UBE2E1: variants seen among roughly 807,000 people sequenced by gnomAD.
UBE2E1 encodes ubiquitin conjugating enzyme E2 E1.
In UBE2E1, 6 loss-of-function variants were observed where a neutral mutation model predicts 21.4. The observed-to-expected ratio is 0.28, with a 90% CI of 0.15 to 0.55. The LOEUF (loss-of-function observed/expected upper bound fraction) is 0.55. Ranked by LOEUF, UBE2E1 falls within the 20% of genes least tolerant of loss-of-function variation. The probability of loss-of-function intolerance (pLI) is 0.93; values close to 1 mark genes in which losing one functional copy is unlikely to be tolerated. For missense variants in UBE2E1, 142 were observed against 236.5 expected (o/e 0.60, Z 2.62); for synonymous variants, 87 against 82.7 (o/e 1.05, Z -0.28).
At chr3:23,822,873 G>A (rs1436121941) in intron 3 of UBE2E1, among the ~76,000 whole-genome samples, 4 of 136,134 alleles carry the variant, frequency 2.9e-5, no homozygotes, top group African/African-American at 1.1e-4. Flanking sequence ...CAGAGACGGA[G>A]CCTTGCTCTG....
chr3:23,883,432 C>T (rs1001384583), intron 3 of UBE2E1, among the ~76,000 whole-genome samples: 1 of 152,074 alleles, frequency 6.6e-6, no homozygotes, highest in African/African-American at 2.4e-5. Flanking sequence ...TGTCCTCCAC[C>T]CCTGGGGATG....
chr3:23,858,804 C>G (rs1050504895), intron 3 of UBE2E1, among the ~76,000 whole-genome samples: 1 of 152,106 alleles, frequency 6.6e-6, no homozygotes, highest in African/African-American at 2.4e-5. Flanking sequence ...CACTTTCTCA[C>G]AAGTAAAAGA....
At chr3:23,835,598 A>ACTTTTAAATGTATG (rs1410573987) in intron 3 of UBE2E1, among the ~76,000 whole-genome samples, 7 of 152,194 alleles carry the variant, frequency 4.6e-5, no homozygotes, top group Non-Finnish European at 8.8e-5. Context: ...AGTAATGTAT[A>ACTTTTAAATGTATG]CTTTTAAAGT....
chr3:23,869,876 G>A (rs1406822120), intron 3 of UBE2E1, among the ~76,000 whole-genome samples: 1 of 152,052 alleles, frequency 6.6e-6, no homozygotes, highest in Non-Finnish European at 1.5e-5. Context: ...GGCTGCTCTT[G>A]GGGGGAGTGT....
intron 3 of UBE2E1, among the ~76,000 whole-genome samples, chr3:23,829,487 A>G (rs930425965): frequency 2.0e-5 from 3 of 151,720 alleles, no homozygotes; most frequent in Non-Finnish European, 4.4e-5. Context: ...TTTTTTGGAG[A>G]GGTGGGGTCT....
intron 3 of UBE2E1, among the ~76,000 whole-genome samples, chr3:23,880,494 G>A (rs1349052637): frequency 4.6e-5 from 7 of 152,234 alleles, no homozygotes; most frequent in Non-Finnish European, 1.0e-4. Context: ...TTGAGCCCAG[G>A]AAGTCAAGGC....
At chr3:23,832,042 T>C (rs899188533) in intron 3 of UBE2E1, among the ~76,000 whole-genome samples, 1 of 152,212 alleles carries the variant, frequency 6.6e-6, no homozygotes, top group Non-Finnish European at 1.5e-5. Flanking sequence ...CTTAGTCATT[T>C]ATTTAGCTTT....
intron 3 of UBE2E1, among the ~76,000 whole-genome samples, chr3:23,845,589 C>CTCTCTCTCTCTCTCTG (rs1553637998): frequency 8.2e-6 from 1 of 121,358 alleles, no homozygotes; most frequent in South Asian, 3.2e-4. Flanking sequence ...CTCTCTCTCT[C>CTCTCTCTCTCTCTCTG]TGTGTGTGTG....
chr3:23,806,639 G>A lies in UBE2E1; in HGVS notation c.-34+551G>A, dbSNP rs988511683. 6.6e-6 allele frequency among the ~76,000 whole-genome samples: 1 copy of A among 151,534 alleles called. No individual in the cohort carries two copies. Among genetic ancestry groups the A allele is most frequent in the Non-Finnish European group, 1.5e-5 (1 of 67,712 alleles). ...GCAGGCAGGCCGGGAGGGGCGTCGG[G>A]GCGCGGCGCGGGGGGGCCTCGGGCC... On this transcript the variant is annotated intron_variant, in intron 1 of 5. Transcript: ENST00000306627. This position sits in a 1 kb window ranked among gnomAD's most constrained non-coding sequence, Gnocchi z 6.5.
At chr3:23,811,163 C>G in intron 2 of UBE2E1, 1 of 453,204 alleles carries the variant, frequency 2.2e-6, no homozygotes, top group South Asian at 4.1e-5. Context: ...AAGTGAGAAA[C>G]TTTAAAATTA....
chr3:23,826,432 G>A (rs1363919389), intron 3 of UBE2E1, among the ~76,000 whole-genome samples: 1 of 152,216 alleles, frequency 6.6e-6, no homozygotes, highest in South Asian at 2.1e-4. Context: ...GACAGCCTGA[G>A]TCTGGCAGTA....
chr3:23,807,353 C>G lies in UBE2E1; in HGVS notation c.84C>G (p.Thr28=). 1.2e-6 allele frequency: 2 copies of G among 1,613,890 alleles called. No individual in the cohort carries two copies. The highest frequency in any genetic ancestry group is 2.2e-5 in the East Asian group (1 of 44,854). The part of the protein sequence containing the change: ...SNQQTEKETN[T]PKKKESKVSM... ...AGCAAACCGAGAAAGAAACAAACACCCCCAAGAAGAAGGAGAGTAAAGTCA... is the reference window on the plus strand; with the variant it reads ...AGCAAACCGAGAAAGAAACAAACACGCCCAAGAAGAAGGAGAGTAAAGTCA... Residue 28 remains threonine, a synonymous_variant, in exon 2 of 6, where the codon ACC becomes ACG. Transcript: ENST00000306627.
In UBE2E1 at chr3:23,842,949, A is replaced by G. The variant is rs1421334340; in HGVS notation, c.203+31439A>G. ...GTAGCATGATTATGGTAGTTATGGT[A>G]TAACTTTATACCATAAAATATCCCA... On this transcript the variant is annotated intron_variant, in intron 3 of 5. Transcript: ENST00000306627. This position sits in a 1 kb window ranked among gnomAD's most constrained non-coding sequence, Gnocchi z 4.6. 6.6e-6 allele frequency among the ~76,000 whole-genome samples: 1 copy of G among 152,150 alleles called. No homozygotes were observed. Among genetic ancestry groups the G allele is most frequent in the African/African-American group, 2.4e-5 (1 of 41,444 alleles).
At chr3:23,873,829 G>A (rs886616445) in intron 3 of UBE2E1, among the ~76,000 whole-genome samples, 3 of 152,136 alleles carry the variant, frequency 2.0e-5, no homozygotes, top group Non-Finnish European at 4.4e-5. Flanking sequence ...TCATAAATAG[G>A]GTAACCATAT....
Position 23,829,866 on chromosome 3 carries a change from A to G in UBE2E1, c.203+18356A>G, listed in dbSNP as rs1306840605. On this transcript the variant is annotated intron_variant, in intron 3 of 5. Transcript: ENST00000306627. ...TTTGTGAGTTGATAAGCATGGATTG[A>G]TTGGCTCTGTTGGCCTGGGTTCTTG... 2.0e-5 allele frequency among the ~76,000 whole-genome samples: 3 copies of G among 152,136 alleles called. No individual in the cohort carries two copies. The East Asian group carries it at 5.8e-4, about 29-fold the overall frequency.
At chr3:23,809,042 T>C (rs1015621045) in intron 2 of UBE2E1, among the ~76,000 whole-genome samples, 5 of 152,212 alleles carry the variant, frequency 3.3e-5, no homozygotes, top group African/African-American at 1.2e-4. Context: ...AGACATACTT[T>C]GTTTATTTTA....
At chr3:23,848,553 A>G (rs776422321) in intron 3 of UBE2E1, among the ~76,000 whole-genome samples, 11 of 152,198 alleles carry the variant, frequency 7.2e-5, no homozygotes, top group Non-Finnish European at 1.5e-4. Context: ...TCTTACCCAA[A>G]TATGTCCTTA....
chr3:23,814,956 A>G (rs955362685), intron 3 of UBE2E1, among the ~76,000 whole-genome samples: 2 of 152,190 alleles, frequency 1.3e-5, no homozygotes, highest in Non-Finnish European at 2.9e-5. Flanking sequence ...AAACACTTCA[A>G]GCATGGGTGA....
intron 3 of UBE2E1, among the ~76,000 whole-genome samples, chr3:23,817,363 A>C (rs867275269): frequency 6.7e-6 from 1 of 148,954 alleles, no homozygotes; most frequent in Non-Finnish European, 1.5e-5. Flanking sequence ...CAGAGGTTGC[A>C]GTGAGCCAAG....
Sources: allele counts gnomAD v4.1 joint callset (sites outside exome capture counted in the v4.1 genomes callset), GRCh38; gene constraint gnomAD v4.1.1; non-coding constraint Gnocchi (gnomAD v3.1); transcripts MANE v1.5; gene names NCBI Gene and HGNC (gene_info 2026-07-23, HGNC 2026-07-21).